Variants in FGD6 observed in about 807,000 individuals in gnomAD.
FGD6 encodes the protein FYVE, RhoGEF and PH domain-containing protein 6.
Under a neutral mutation model 149.4 loss-of-function variants are expected in FGD6, and 90 were observed. The observed-to-expected ratio is 0.60, with a 90% confidence interval of 0.51 to 0.72. The LOEUF is 0.72. Ranked by LOEUF, FGD6 falls within the 30% of genes least tolerant of loss-of-function variation. The pLI is 0.00. For missense variants in FGD6, 1,437 were observed against 1,684.8 expected, an observed-to-expected ratio of 0.85 and a Z score of 2.57; for synonymous variants, 527 against 584.0, an observed-to-expected ratio of 0.90 and a Z score of 1.41.
At chr12:95,125,159 T>C (rs1879297804) in intron 8 of FGD6, among the ~76,000 whole-genome samples, 2 of 152,136 alleles carry the variant, frequency 1.3e-5, no homozygotes, top group South Asian at 4.1e-4. Context: ...CAGAAGAATC[T>C]AGGCACAAAA....
intron 20 of FGD6, among the ~76,000 whole-genome samples, chr12:95,082,058 A>G (rs1877693489): frequency 6.6e-6 from 1 of 152,124 alleles, no homozygotes; most frequent in African/African-American, 2.4e-5. Context: ...TTTAGCCTGG[A>G]AAGTGTGCCT....
intron 8 of FGD6, among the ~76,000 whole-genome samples, chr12:95,119,572 A>G (rs892244587): frequency 9.2e-5 from 14 of 152,248 alleles, no homozygotes; most frequent in African/African-American, 3.1e-4. Flanking sequence ...CTGTCCAGGC[A>G]TAATTATAAA....
intron 8 of FGD6, among the ~76,000 whole-genome samples, chr12:95,130,411 C>G (rs1016765233): frequency 1.3e-5 from 2 of 152,136 alleles, no homozygotes; most frequent in East Asian, 3.8e-4. Context: ...GAATGAAGTA[C>G]CACTCCTGCC....
At chr12:95,148,234 T>C (rs1463647603) in intron 5 of FGD6, among the ~76,000 whole-genome samples, 1 of 144,754 alleles carries the variant, frequency 6.9e-6, no homozygotes, top group African/African-American at 2.6e-5. Flanking sequence ...GATTTTAACA[T>C]GGAAAAAAAA....
intron 8 of FGD6, among the ~76,000 whole-genome samples, chr12:95,117,436 C>CT (rs377214497): frequency 0.15 from 22,964 of 150,300 alleles, 2,307 homozygotes; most frequent in African/African-American, 0.27. Context: ...TTTTTTCTTT[C>CT]TTTTTTTGGA....
At chr12:95,181,946 A>G (rs576801806) in intron 2 of FGD6, among the ~76,000 whole-genome samples, 1 of 151,744 alleles carries the variant, frequency 6.6e-6, no homozygotes, top group East Asian at 1.9e-4. Flanking sequence ...TCTCTCAAAA[A>G]AAAAAAAAAA....
At position 95,217,427 on chromosome 12, in the gene FGD6, C is replaced by T; in HGVS notation, c.-187G>A. On this transcript the variant is annotated 5_prime_UTR_variant, in exon 1 of 21. Coordinates refer to ENST00000343958, the MANE Select transcript of FGD6 (RefSeq NM_018351.4). ...CCGACTCTAGCGACCCTGCGGCGCT[C>T]CCGGGCGCGAGCCGCCGGGGTCGGG... 1.0e-6 allele frequency: 1 copy of T among 984,476 alleles called. No homozygotes were observed. Among genetic ancestry groups the T allele is most frequent in the Non-Finnish European group, 1.4e-6 (1 of 724,606 alleles). The allele number at this position is 984,476 out of a possible 1,614,324, so 61.0% of individuals were successfully genotyped here. A position where few individuals can be genotyped will look rare whatever the true frequency, so the allele number is the denominator to read the frequency against.
In FGD6 at chr12:95,209,098, C is replaced by T. The variant is rs774239585; in HGVS notation, c.2186G>A (p.Arg729Gln). 1.8e-5 allele frequency: 29 copies of T among 1,613,982 alleles called. No homozygotes were observed. The highest frequency in any genetic ancestry group is 6.7e-5 in the African/African-American group (5 of 74,886). Reference sequence around the variant, plus strand: ...GTAAGGTGCCTGAGATGATGACTCCCGGGAGAGCATTTGGTCATCCAAAGA... The same window carrying T: ...GTAAGGTGCCTGAGATGATGACTCCTGGGAGAGCATTTGGTCATCCAAAGA... ...AESLDDQMLS[R>Q]ESSSQAPYKS... is the part of the protein sequence containing the mutation. Residue 729 changes from arginine to glutamine, a missense_variant, in exon 2 of 21, where the codon CGG (arginine) becomes CAG (glutamine). Transcript: ENST00000343958.
At chr12:95,114,443 TACACAC>T (rs60238488) in intron 8 of FGD6, among the ~76,000 whole-genome samples, 20,974 of 125,202 alleles carry the variant, frequency 0.17, 2,039 homozygotes, top group African/African-American at 0.27. Context: ...CCATCTCTAC[TACACAC>T]ACACACACAC....
intron 14 of FGD6, among the ~76,000 whole-genome samples, chr12:95,098,804 A>G (rs1283253105): frequency 6.6e-6 from 1 of 151,906 alleles, no homozygotes; most frequent in African/African-American, 2.4e-5. Context: ...AATTGTGTTA[A>G]TATTTGCTAA....
intron 8 of FGD6, chr12:95,126,459 T>TTAC: frequency 1.2e-6 from 1 of 862,704 alleles, no homozygotes; most frequent in Non-Finnish European, 1.7e-6. Context: ...CCAGCCATGG[T>TTAC]GGCTCACGCC....
At chr12:95,085,021 T>C (rs1047804680) in intron 19 of FGD6, among the ~76,000 whole-genome samples, 1 of 152,140 alleles carries the variant, frequency 6.6e-6, no homozygotes, top group African/African-American at 2.4e-5. Context: ...CCTACAGCAG[T>C]GTTTTCATAG....
intron 14 of FGD6, among the ~76,000 whole-genome samples, chr12:95,097,718 A>G (rs1177905546): frequency 6.6e-6 from 1 of 151,886 alleles, no homozygotes; most frequent in African/African-American, 2.4e-5. Flanking sequence ...TGAGGTTCAA[A>G]GGCCACATCA....
chr12:95,083,671 A>G (rs1373788187), intron 20 of FGD6, among the ~76,000 whole-genome samples: 2 of 152,204 alleles, frequency 1.3e-5, no homozygotes, highest in Non-Finnish European at 2.9e-5. Context: ...CCTGGCTGGT[A>G]TTCAGGGATG....
chr12:95,167,883 G>A (rs866420331), intron 3 of FGD6, among the ~76,000 whole-genome samples: 13 of 151,722 alleles, frequency 8.6e-5, no homozygotes, highest in Admixed American at 3.9e-4. Flanking sequence ...CCAAACCACC[G>A]CACTGGGCCT....
chr12:95,156,491 C>A (rs1317128202), intron 3 of FGD6, among the ~76,000 whole-genome samples: 1 of 152,172 alleles, frequency 6.6e-6, no homozygotes, highest in Non-Finnish European at 1.5e-5. Context: ...TGTCTGCTCT[C>A]AAACCCTGTC....
At chr12:95,213,820 C>T (rs933936750) in intron 1 of FGD6, among the ~76,000 whole-genome samples, 1 of 152,162 alleles carries the variant, frequency 6.6e-6, no homozygotes, top group Non-Finnish European at 1.5e-5. Context: ...ACATAAAACC[C>T]TCAACGCATA....
At chr12:95,152,467 A>G (rs1031731681) in intron 5 of FGD6, among the ~76,000 whole-genome samples, 6 of 152,344 alleles carry the variant, frequency 3.9e-5, no homozygotes, top group Admixed American at 3.3e-4. Flanking sequence ...CCTATTTCAA[A>G]TCTGTTTCTG....
chr12:95,096,527 C>T (rs1208961380), intron 14 of FGD6, among the ~76,000 whole-genome samples: 1 of 152,214 alleles, frequency 6.6e-6, no homozygotes, highest in African/African-American at 2.4e-5. Flanking sequence ...ACTATTCTAG[C>T]ATTACTGCCA....
Sources: allele counts gnomAD v4.1 joint callset (sites outside exome capture counted in the v4.1 genomes callset), GRCh38; gene constraint gnomAD v4.1.1; transcripts MANE v1.5; gene names NCBI Gene and HGNC (gene_info 2026-07-23, HGNC 2026-07-21).